STPG2: variants seen among roughly 807,000 people sequenced by gnomAD.
The protein encoded by STPG2 is sperm tail PG-rich repeat containing 2.
A neutral mutation model predicts 54.2 loss-of-function variants in STPG2; 56 were observed. That is an observed-to-expected ratio of 1.03 (90% CI 0.83 to 1.29). STPG2 has a LOEUF of 1.29. Ranked by LOEUF, STPG2 falls within the 50% of genes most tolerant of loss-of-function variation. The pLI, the probability that STPG2 is intolerant of heterozygous loss-of-function variation, is 0.00. For synonymous variants in STPG2, 200 were observed against 181.8 expected (o/e 1.10, Z -0.81); for missense variants, 596 against 544.9 (o/e 1.09, Z -0.93).
intron 8 of STPG2, among the ~76,000 whole-genome samples, chr4:97,871,759 T>C (rs1213702880): frequency 1.3e-5 from 2 of 151,030 alleles, no homozygotes; most frequent in African/African-American, 2.4e-5. Context: ...TTCTAAGGCA[T>C]AGAAAATGAA....
At chr4:97,478,437 T>G (rs1310864092) in intron 4 of STPG2, among the ~76,000 whole-genome samples, 1 of 152,144 alleles carries the variant, frequency 6.6e-6, no homozygotes, top group African/African-American at 2.4e-5. Context: ...CAACTTGAAA[T>G]ATGAACTGGA....
chr4:97,463,207 T>C (rs1449304723), intron 4 of STPG2, among the ~76,000 whole-genome samples: 1 of 152,182 alleles, frequency 6.6e-6, no homozygotes, highest in Non-Finnish European at 1.5e-5. Flanking sequence ...TTTTGAATTG[T>C]ATTGTAACCG....
At chr4:97,885,768 G>C (rs1457697506) in intron 8 of STPG2, among the ~76,000 whole-genome samples, 1 of 151,884 alleles carries the variant, frequency 6.6e-6, no homozygotes, top group Non-Finnish European at 1.5e-5. Context: ...CATGGACGTT[G>C]GTATACGCAG....
chr4:98,099,823 G>C (rs1738973567), intron 5 of STPG2, among the ~76,000 whole-genome samples: 1 of 151,944 alleles, frequency 6.6e-6, no homozygotes, highest in Non-Finnish European at 1.5e-5. Flanking sequence ...TAAATACCTA[G>C]TATTTAATAG....
chr4:97,778,574 G>A (rs1217600224), intron 9 of STPG2, among the ~76,000 whole-genome samples: 2 of 152,186 alleles, frequency 1.3e-5, no homozygotes, highest in East Asian at 3.9e-4. Flanking sequence ...TGACAGCTTT[G>A]AAGAGAGTAG....
chr4:97,875,798 T>C (rs1189312556), intron 8 of STPG2, among the ~76,000 whole-genome samples: 2 of 152,006 alleles, frequency 1.3e-5, no homozygotes, highest in African/African-American at 4.8e-5. Flanking sequence ...TTTTTCTTAT[T>C]GCTATTTTCC....
At chr4:98,077,809 C>T (rs976367903) in intron 5 of STPG2, among the ~76,000 whole-genome samples, 11 of 152,094 alleles carry the variant, frequency 7.2e-5, no homozygotes, top group Admixed American at 3.3e-4. Context: ...ACCCCGACAG[C>T]GCTAAAGATT....
intron 4 of STPG2, among the ~76,000 whole-genome samples, chr4:97,486,545 G>C (rs898679937): frequency 6.6e-6 from 1 of 151,608 alleles, no homozygotes; most frequent in Admixed American, 6.6e-5. Flanking sequence ...CAGTGAACAG[G>C]GAACACTTCT....
At chr4:97,518,787 A>T (rs76036668) in intron 4 of STPG2, among the ~76,000 whole-genome samples, 2,278 of 152,116 alleles carry the variant, frequency 0.015, 53 homozygotes, top group African/African-American at 0.051. Context: ...AAAATAATAA[A>T]TGCCTTCCTA....
intron 9 of STPG2, among the ~76,000 whole-genome samples, chr4:97,792,391 G>A (rs1167562412): frequency 6.6e-6 from 1 of 152,008 alleles, no homozygotes; most frequent in Non-Finnish European, 1.5e-5. Flanking sequence ...AGTCTAATCA[G>A]AACCATTGGC....
intron 4 of STPG2, among the ~76,000 whole-genome samples, chr4:97,458,190 T>C (rs1017131055): frequency 6.6e-6 from 1 of 152,184 alleles, no homozygotes; most frequent in African/African-American, 2.4e-5. Context: ...CATGTTCAAA[T>C]TGTAGCTTTC....
chr4:98,078,860 A>C (rs1560669351), intron 5 of STPG2, among the ~76,000 whole-genome samples: 1 of 152,158 alleles, frequency 6.6e-6, no homozygotes. Context: ...AATATCTTAA[A>C]TTTGGAATTT....
At chr4:98,123,405 T>A (rs1376184164) in intron 3 of STPG2, among the ~76,000 whole-genome samples, 1 of 152,206 alleles carries the variant, frequency 6.6e-6, no homozygotes, top group Admixed American at 6.5e-5. Context: ...TCTCTTTAGT[T>A]TCAAAGAACT....
chr4:97,776,941 T>C (rs1321892234), intron 9 of STPG2, among the ~76,000 whole-genome samples: 2 of 152,184 alleles, frequency 1.3e-5, no homozygotes, highest in Non-Finnish European at 2.9e-5. Flanking sequence ...TTTCCTTCCG[T>C]TTACTAATTT....
chr4:97,708,950 C>A (rs1213024550), intron 10 of STPG2, among the ~76,000 whole-genome samples: 1 of 151,534 alleles, frequency 6.6e-6, no homozygotes, highest in Non-Finnish European at 1.5e-5. Flanking sequence ...AAAAATATAT[C>A]TTTGTTAATT....
intron 4 of STPG2, among the ~76,000 whole-genome samples, chr4:97,497,096 C>T (rs1378887381): frequency 1.3e-5 from 2 of 149,394 alleles, no homozygotes; most frequent in African/African-American, 4.9e-5. Context: ...CTTTAAAATA[C>T]AAATGAGGAA....
At chr4:97,648,830 T>C (rs112281747) in intron 10 of STPG2, among the ~76,000 whole-genome samples, 2,092 of 152,276 alleles carry the variant, frequency 0.014, 43 homozygotes, top group African/African-American at 0.048. Flanking sequence ...GTGATGTTAT[T>C]AATACAATGT....
intron 3 of STPG2, among the ~76,000 whole-genome samples, chr4:98,119,945 G>A (rs910466131): frequency 2.6e-5 from 4 of 152,024 alleles, no homozygotes; most frequent in Non-Finnish European, 5.9e-5. Context: ...CCTTTTTATG[G>A]CTGTATAGTA....
chr4:97,530,414 G>T (rs1011038296), intron 4 of STPG2, among the ~76,000 whole-genome samples: 31 of 152,236 alleles, frequency 2.0e-4, no homozygotes, highest in African/African-American at 7.5e-4. Context: ...TCTATACACT[G>T]ACATGAAAGC....
Sources: allele counts gnomAD v4.1 joint callset (sites outside exome capture counted in the v4.1 genomes callset), GRCh38; gene constraint gnomAD v4.1.1; transcripts MANE v1.5; gene names NCBI Gene and HGNC (gene_info 2026-07-23, HGNC 2026-07-21).